Variants in HK1 observed in about 807,000 individuals in gnomAD.
HK1 encodes the protein hexokinase 1, also known as hexokinase-1.
HK1 carries 28 observed loss-of-function variants against 91.6 expected under a neutral mutation model. The ratio of observed to expected loss-of-function variants is 0.31; its 90% confidence interval spans 0.23 to 0.42. The LOEUF is 0.42. HK1 is among the 10% of genes least tolerant of loss of function. HK1 has a pLI of 1.00. For synonymous variants in HK1, 430 were observed against 468.1 expected, an observed-to-expected ratio of 0.92 and a Z score of 1.05; for missense variants, 770 against 1,219.8, an observed-to-expected ratio of 0.63 and a Z score of 5.49.
At chr10:69,303,705 G>A (rs115480864) in intron 5 of HK1, among the ~76,000 whole-genome samples, 1,769 of 148,382 alleles carry the variant, frequency 0.012, 26 homozygotes, top group African/African-American at 0.041. Context: ...ACTTGTAACC[G>A]CCCAACAGGT....
intron 1 of HK1, among the ~76,000 whole-genome samples, chr10:69,325,483 G>A (rs1469310755): frequency 2.0e-5 from 3 of 150,626 alleles, no homozygotes; most frequent in African/African-American, 7.3e-5. Flanking sequence ...TCAGCCTCCT[G>A]AGTAGCTGGG....
At chr10:69,335,969 A>G (rs956324395) in intron 1 of HK1, among the ~76,000 whole-genome samples, 2 of 152,176 alleles carry the variant, frequency 1.3e-5, no homozygotes, top group Non-Finnish European at 2.9e-5. Flanking sequence ...TGTTTATGAT[A>G]TAATTCCATT....
intron 5 of HK1, among the ~76,000 whole-genome samples, chr10:69,305,560 AG>A (rs1846065697): frequency 6.6e-6 from 1 of 152,192 alleles, no homozygotes; most frequent in Non-Finnish European, 1.5e-5. Flanking sequence ...TTAAAAAAAA[AG>A]AAAAAGAAGA....
rs1848577480 is a variant in HK1 at position 69,346,621 on chromosome 10, C to T, written c.226+2632C>T. On this transcript the variant is annotated intron_variant, in intron 2 of 17. Transcript: ENST00000359426. ...TCCTAGGCTCAGGCGATCCTCCCACCTCCCAAAGTGCTGGGATTACAGGCG... is the reference window on the plus strand; with the variant it reads ...TCCTAGGCTCAGGCGATCCTCCCACTTCCCAAAGTGCTGGGATTACAGGCG... 2.6e-5 allele frequency among the ~76,000 whole-genome samples: 4 copies of T among 152,086 alleles called. No homozygotes were observed. The South Asian group carries it at 8.3e-4, about 32-fold the overall frequency.
intron 5 of HK1, among the ~76,000 whole-genome samples, chr10:69,310,553 T>C (rs988401886): frequency 2.0e-5 from 3 of 152,130 alleles, no homozygotes; most frequent in African/African-American, 7.2e-5. Context: ...TGACATGAAC[T>C]CTGTGTGAGC....
intron 1 of HK1, among the ~76,000 whole-genome samples, chr10:69,328,839 T>G (rs182208020): frequency 1.2e-4 from 18 of 151,626 alleles, no homozygotes; most frequent in African/African-American, 4.4e-4. Context: ...ACTATCTACC[T>G]TTTTTTTTCT....
intron 11 of HK1, 83 bp from the exon 12 acceptor site, chr10:69,384,713 G>T: frequency 6.4e-7 from 1 of 1,567,924 alleles, no homozygotes; most frequent in Admixed American, 1.7e-5. Flanking sequence ...CTACGTGTGT[G>T]TGTGTATACA....
At chr10:69,330,557 G>A (rs1847658135) in intron 1 of HK1, among the ~76,000 whole-genome samples, 1 of 151,932 alleles carries the variant, frequency 6.6e-6, no homozygotes, top group African/African-American at 2.4e-5. Context: ...CCATTGATGG[G>A]GTTCAGGACA....
At chr10:69,340,141 T>A (rs1315991427) in intron 1 of HK1, among the ~76,000 whole-genome samples, 1 of 152,202 alleles carries the variant, frequency 6.6e-6, no homozygotes, top group Non-Finnish European at 1.5e-5. Context: ...CGCAGTATCA[T>A]AGGAGATGGA....
rs138634838 is a variant in HK1, at chr10:69,392,642, C to T, written c.2219+334C>T. Reference sequence around the variant, plus strand: ...AGGGGGTGGGGTGAGGGTGGCTGGGCGGCAGGTTGGTGTGAAGCAGAGGCC... The same window carrying T: ...AGGGGGTGGGGTGAGGGTGGCTGGGTGGCAGGTTGGTGTGAAGCAGAGGCC... On this transcript the variant is annotated intron_variant, in intron 15 of 17. Coordinates refer to ENST00000359426, the MANE Select transcript of HK1 (RefSeq NM_000188.3). Among the ~76,000 whole-genome samples the T allele has an allele frequency of 5.9e-3, 899 of 152,266 alleles. 6 individuals are homozygous for T. Among genetic ancestry groups the T allele is most frequent in the African/African-American group, 0.02 (839 of 41,538 alleles).
chr10:69,271,642 T>G (rs1308071252), intron 1 of HK1, among the ~76,000 whole-genome samples: 3 of 151,848 alleles, frequency 2.0e-5, no homozygotes, highest in Admixed American at 6.6e-5. Flanking sequence ...CACGCCCGGC[T>G]AATTTTTTGC....
Position 69,392,129 on chromosome 10 carries a change from C to T in HK1, c.2040C>T (p.Thr680=), listed in dbSNP as rs2229387. ...TTGCCCCCTCGTGTGTTCCAGGGAC[C>T]GGCAGCAATGCCTGCTACATGGAGG... ...PTCEVGLIVG[T]GSNACYMEEM... The change falls in exon 15 of 18, where the codon ACC becomes ACT. Residue 680 remains threonine (T), a synonymous_variant. Transcript: ENST00000359426. 0.015 allele frequency: 25,014 copies of T among 1,613,978 alleles called. 3,142 individuals carry two copies. The African/African-American group carries it at 0.28, about 18-fold the overall frequency.
chr10:69,319,104 G>A (rs2132564899), intron 1 of HK1, 94 bp downstream of exon 1: 1 of 1,410,930 alleles, frequency 7.1e-7, no homozygotes, highest in South Asian at 1.2e-5. Context: ...TCCGGCGCCC[G>A]GCCTTCTCCG....
rs907115610 is a variant in HK1 at position 69,390,710 on chromosome 10, G to C, written c.2035+1414G>C. ...GAAAGTTCACCTACATCCCACCCTG[G>C]ATGGGTGGATGGTGCTCCTGGGCGC... On this transcript the variant is annotated intron_variant, in intron 14 of 17. Transcript: ENST00000359426. Among the ~76,000 whole-genome samples, 10 of 152,182 alleles carry C rather than the reference G, an allele frequency of 6.6e-5. No individual in the cohort carries two copies. In the East Asian group the frequency reaches 1.9e-3, roughly 29 times the overall value.
rs1351991025 is a variant in HK1, at chr10:69,401,651, G to A, written c.*516G>A. On this transcript the variant is annotated 3_prime_UTR_variant, in exon 18 of 18. Transcript: ENST00000359426. ...CTGGCACCCACTGTGGCCTGGCATC[G>A]CATCGTGGTGTGTCAATGCCACAAA... 7 of 360,946 alleles carry A rather than the reference G, an allele frequency of 1.9e-5. No homozygotes were observed. Among genetic ancestry groups the A allele is most frequent in the African/African-American group, 4.3e-5 (2 of 46,128 alleles). The allele number at this position is 360,946 out of a possible 1,614,324, so 22.4% of individuals were successfully genotyped here.
chr10:69,340,808 T>C (rs989930530), intron 1 of HK1, among the ~76,000 whole-genome samples: 23 of 152,198 alleles, frequency 1.5e-4, no homozygotes, highest in African/African-American at 5.5e-4. Flanking sequence ...CGCTGTGCTG[T>C]GGGATCCCGC....
At chr10:69,386,558 T>G (rs1589576567) in intron 13 of HK1, 140 bp downstream of exon 13, 2 of 601,644 alleles carry the variant, frequency 3.3e-6, no homozygotes, top group Non-Finnish European at 6.0e-6. Flanking sequence ...CCGAGGCGGG[T>G]GGATCATGAG....
At chr10:69,395,902 A>G (rs10823358) in intron 16 of HK1, among the ~76,000 whole-genome samples, 49,506 of 151,966 alleles carry the variant, frequency 0.33, 8,462 homozygotes, top group South Asian at 0.47. Context: ...GAGAAGGAGG[A>G]AAAAAGGGTC....
intron 1 of HK1, among the ~76,000 whole-genome samples, chr10:69,273,917 C>A (rs1844309909): frequency 6.6e-6 from 1 of 152,044 alleles, no homozygotes; most frequent in Non-Finnish European, 1.5e-5. Context: ...CTAATTCCAA[C>A]ATCTGGGTTA....
Sources: gnomAD v4.1 joint callset for allele counts (sites outside exome capture counted in the v4.1 genomes callset) on GRCh38, gnomAD v4.1.1 for gene constraint, MANE v1.5 for transcripts, NCBI Gene and HGNC (gene_info 2026-07-23, HGNC 2026-07-21) for gene names.